The following CAST variants were observed in gnomAD, a reference collection of about 807,000 sequenced individuals.
The protein encoded by CAST is MIR583 host.
Under a neutral mutation model 119.6 loss-of-function variants are expected in CAST, and 76 were observed. That is an observed-to-expected ratio of 0.64 (90% CI 0.53 to 0.77). CAST has a LOEUF of 0.77. CAST is among the 30% of genes least tolerant of loss of function. The pLI is 0.00. For missense variants in CAST, 953 were observed against 946.5 expected (o/e 1.01, Z -0.09); for synonymous variants, 319 against 331.6 (o/e 0.96, Z 0.41).
the CAST span, among the ~76,000 whole-genome samples, chr5:96,140,049 C>G: frequency 5.3e-5 from 8 of 152,180 alleles, no homozygotes; most frequent in African/African-American, 1.7e-4. Flanking sequence ...TCAGCACACA[C>G]AGTTGGCTGT....
At chr5:96,052,701 G>A in the CAST span, among the ~76,000 whole-genome samples, 1 of 152,138 alleles carries the variant, frequency 6.6e-6, no homozygotes, top group African/African-American at 2.4e-5. Flanking sequence ...AGACTCTTGG[G>A]GCACATATTT....
At chr5:96,591,391 T>C (rs1746959041) in intron 1 of CAST, among the ~76,000 whole-genome samples, 1 of 152,140 alleles carries the variant, frequency 6.6e-6, no homozygotes, top group African/African-American at 2.4e-5. Context: ...TGTATAAGGC[T>C]TGATGTATAG....
At chr5:96,748,321 T>A (rs564248640) in intron 18 of CAST, among the ~76,000 whole-genome samples, 197 bp from the exon 19 acceptor site, 10 of 152,304 alleles carry the variant, frequency 6.6e-5, no homozygotes, top group African/African-American at 2.4e-4. Flanking sequence ...CCTGAGGTGT[T>A]TAGTATTTCT....
At chr5:96,256,776 G>T in the CAST span, among the ~76,000 whole-genome samples, 1,387 of 152,016 alleles carry the variant, frequency 9.1e-3, 26 homozygotes, top group African/African-American at 0.032. Context: ...TATAATAATA[G>T]TATATACAAC....
At chr5:96,763,262 C>T (rs1224654614) in intron 25 of CAST, 1 of 780,588 alleles carries the variant, frequency 1.3e-6, no homozygotes, top group Non-Finnish European at 2.4e-6. Context: ...TGACAAAGCC[C>T]AGACCTGGCC....
At chr5:96,604,004 A>G (rs898071292) in intron 1 of CAST, among the ~76,000 whole-genome samples, 4 of 152,022 alleles carry the variant, frequency 2.6e-5, no homozygotes, top group African/African-American at 9.7e-5. Context: ...TGCTCAAGCA[A>G]TCTTCCCCCC....
chr5:96,419,175 AAT>A, the CAST span, among the ~76,000 whole-genome samples: 2 of 151,858 alleles, frequency 1.3e-5, no homozygotes, highest in African/African-American at 4.8e-5. Flanking sequence ...GTAGTATTTA[AAT>A]ATCTTGTGGA....
the CAST span, among the ~76,000 whole-genome samples, chr5:96,276,490 T>TA: frequency 1.3e-5 from 2 of 152,190 alleles, no homozygotes; most frequent in South Asian, 4.1e-4. Context: ...ACCTTTCACT[T>TA]ACAAAGAAAA....
chr5:96,335,632 A>G, the CAST span, among the ~76,000 whole-genome samples: 1 of 151,996 alleles, frequency 6.6e-6, no homozygotes, highest in African/African-American at 2.4e-5. Context: ...GTCTAGTTCA[A>G]TCTCCATCTC....
the CAST span, among the ~76,000 whole-genome samples, chr5:96,316,146 C>A: frequency 2.0e-5 from 3 of 152,136 alleles, no homozygotes; most frequent in Admixed American, 2.0e-4. Context: ...TAATAGGTAA[C>A]CAGAATAGTG....
intron 1 of CAST, among the ~76,000 whole-genome samples, chr5:96,597,778 C>A (rs1747078132): frequency 1.3e-5 from 2 of 152,156 alleles, no homozygotes; most frequent in Non-Finnish European, 2.9e-5. Flanking sequence ...GCTATTTATT[C>A]AGGCCTCATT....
chr5:96,328,924 G>T, the CAST span, among the ~76,000 whole-genome samples: 1 of 152,060 alleles, frequency 6.6e-6, no homozygotes, highest in Non-Finnish European at 1.5e-5. Flanking sequence ...TATTCATATG[G>T]TATATTTTGA....
intron 1 of CAST, among the ~76,000 whole-genome samples, chr5:96,629,419 C>G (rs939420961): frequency 1.3e-5 from 2 of 152,052 alleles, no homozygotes; most frequent in Admixed American, 6.5e-5. Flanking sequence ...CAGCGCTCCC[C>G]TCTGGGTGGG....
chr5:96,068,810 AT>A, the CAST span, among the ~76,000 whole-genome samples: 455 of 151,276 alleles, frequency 3.0e-3, 2 homozygotes, highest in South Asian at 0.016. Flanking sequence ...TATAAAATAT[AT>A]TTTATATATA....
the CAST span, among the ~76,000 whole-genome samples, chr5:96,514,591 T>A: frequency 8.9e-4 from 135 of 152,250 alleles, no homozygotes; most frequent in Non-Finnish European, 1.5e-3. Flanking sequence ...CTACTCAAAT[T>A]TAAATAGAGC....
the CAST span, among the ~76,000 whole-genome samples, chr5:96,177,689 A>C: frequency 6.6e-6 from 1 of 152,196 alleles, no homozygotes; most frequent in East Asian, 1.9e-4. Context: ...TCTGACCTTA[A>C]GCATGTAAAA....
chr5:96,075,131 A>T, the CAST span, among the ~76,000 whole-genome samples: 1 of 152,208 alleles, frequency 6.6e-6, no homozygotes, highest in African/African-American at 2.4e-5. Flanking sequence ...GAATTTGTTC[A>T]TTGGCTCACA....
At chr5:95,967,441 T>TAAATAAATAAATAAAG in the CAST span, among the ~76,000 whole-genome samples, 1 of 151,600 alleles carries the variant, frequency 6.6e-6, no homozygotes, top group Admixed American at 6.6e-5. Flanking sequence ...AATAAATAAA[T>TAAATAAATAAATAAAG]AAATAAATAA....
chr5:96,409,137 C>T, the CAST span, among the ~76,000 whole-genome samples: 1 of 152,160 alleles, frequency 6.6e-6, no homozygotes, highest in African/African-American at 2.4e-5. Context: ...GAAGAGATTG[C>T]TGAGATGAAG....
Sources: allele counts gnomAD v4.1 joint callset (sites outside exome capture counted in the v4.1 genomes callset), GRCh38; gene constraint gnomAD v4.1.1; transcripts MANE v1.5; gene names NCBI Gene and HGNC (gene_info 2026-07-23, HGNC 2026-07-21).